HERC1: variants seen among roughly 807,000 people sequenced by gnomAD.
The protein encoded by HERC1 is probable E3 ubiquitin-protein ligase HERC1.
In HERC1, 160 loss-of-function variants were observed where a neutral mutation model predicts 554.3. The observed-to-expected ratio is 0.29, with a 90% CI of 0.25 to 0.33. HERC1 has a LOEUF of 0.33. HERC1 is among the 10% of genes least tolerant of loss of function. The pLI is 1.00. For missense variants in HERC1, 4,919 were observed against 5,918.5 expected, an observed-to-expected ratio of 0.83 and a Z score of 5.54; for synonymous variants, 2,175 against 2,131.7, an observed-to-expected ratio of 1.02 and a Z score of -0.56.
At chr15:63,770,592 A>G (rs2075921901) in intron 2 of HERC1, among the ~76,000 whole-genome samples, 1 of 152,248 alleles carries the variant, frequency 6.6e-6, no homozygotes, top group South Asian at 2.1e-4. Context: ...TTCTCATATA[A>G]GTTAATGAAT....
intron 1 of HERC1, among the ~76,000 whole-genome samples, chr15:63,829,074 T>C (rs1232673591): frequency 6.6e-6 from 1 of 152,224 alleles, no homozygotes; most frequent in East Asian, 1.9e-4. Flanking sequence ...GAATGAACTT[T>C]GTGGTACTGG....
intron 1 of HERC1, among the ~76,000 whole-genome samples, chr15:63,816,505 T>C (rs1407791106): frequency 6.6e-6 from 1 of 152,214 alleles, no homozygotes; most frequent in African/African-American, 2.4e-5. Flanking sequence ...ACTTTTGAAA[T>C]TTCTGAATAT....
In HERC1 at chr15:63,663,097, A is replaced by G; in HGVS notation, c.8788T>C (p.Leu2930=). The G allele has an allele frequency of 6.2e-7, 1 of 1,613,870 alleles. No individual in the cohort carries two copies. Among genetic ancestry groups the G allele is most frequent in the Non-Finnish European group, 8.5e-7 (1 of 1,179,846 alleles). Residue 2930 remains leucine (L), a synonymous_variant, in exon 44 of 78, where the codon TTG becomes CTG. Coordinates refer to ENST00000443617, the MANE Select transcript of HERC1 (RefSeq NM_003922.4). ...GCCTCATCATCAAGATCAATTTCCA[A>G]TTCCTCATCTAAATTAAAGTCATAC... is the stretch of plus-strand genomic sequence containing the variant. ...ALYDFNLDEE[L]EIDLDDEAME... is the part of the protein sequence containing the mutation.
At chr15:63,624,960 A>G (rs1300519180) in intron 71 of HERC1, among the ~76,000 whole-genome samples, 13 of 152,350 alleles carry the variant, frequency 8.5e-5, no homozygotes, top group Non-Finnish European at 1.8e-4. Context: ...GTATGCACAC[A>G]TAACATTTTT....
intron 12 of HERC1, among the ~76,000 whole-genome samples, chr15:63,741,315 C>G (rs2074795554): frequency 6.6e-6 from 1 of 150,458 alleles, no homozygotes; most frequent in African/African-American, 2.5e-5. Context: ...GCGTGAGCCA[C>G]CGCGCCGGGC....
Position 63,661,782 on chromosome 15 carries a change from C to T in HERC1, c.9141G>A (p.Lys3047=), listed in dbSNP as rs769157029. ...GTCREKYLAM[K]TKSKSTSSER... is the part of the protein sequence containing the mutation. Reference sequence around the variant, plus strand: ...CAGAACTTGTTGACTTAGATTTGGTCTTCATGGCTAAGTACTTCTCCCTGC... The same window carrying T: ...CAGAACTTGTTGACTTAGATTTGGTTTTCATGGCTAAGTACTTCTCCCTGC... Residue 3047 remains lysine, a synonymous_variant, in exon 45 of 78, where the codon AAG becomes AAA. Transcript: ENST00000443617. The T allele has an allele frequency of 6.2e-7, 1 of 1,613,960 alleles. No individual in the cohort carries two copies. Among genetic ancestry groups the T allele is most frequent in the Non-Finnish European group, 8.5e-7 (1 of 1,179,874 alleles).
At chr15:63,806,992 C>A (rs1193684858) in intron 1 of HERC1, among the ~76,000 whole-genome samples, 1 of 152,120 alleles carries the variant, frequency 6.6e-6, no homozygotes, top group Non-Finnish European at 1.5e-5. Flanking sequence ...GTGATCCACC[C>A]ACCTCGGCCT....
In HERC1 at chr15:63,633,983, C is replaced by T. The variant is rs752822516; in HGVS notation, c.12571-13G>A. ...ATCCACAGGCCACCTAAAGAAATAA[C>T]AGCATTCCGTAAGGCAAATCACAAG... On this transcript the variant is annotated splice_polypyrimidine_tract_variant and intron_variant, in intron 66 of 77. Transcript: ENST00000443617. The T allele has an allele frequency of 5.0e-6, 8 of 1,613,276 alleles. No individual in the cohort carries two copies. Among genetic ancestry groups the T allele is most frequent in the African/African-American group, 2.7e-5 (2 of 74,632 alleles).
Position 63,747,007 on chromosome 15 carries a change from C to A in HERC1, c.2431G>T (p.Ala811Ser). 6.3e-7 allele frequency: 1 copy of A among 1,582,344 alleles called. No homozygotes were observed. Among genetic ancestry groups the A allele is most frequent in the Non-Finnish European group, 8.6e-7 (1 of 1,164,386 alleles). ...HLALALAGGV[A>S]TSILGRQAGP... ...GCCTGCCTCCCGAGAATGCTGGTAG[C>A]TACCCCTCCCGCAAGTGCAAGAGCA... The change falls in exon 12 of 78, where the codon GCT becomes TCT. Residue 811 changes from alanine (A) to serine (S), a missense_variant. By Grantham distance (99) the Ala-to-Ser change is moderately conservative. Coordinates refer to ENST00000443617, the MANE Select transcript of HERC1 (RefSeq NM_003922.4).
intron 19 of HERC1, among the ~76,000 whole-genome samples, chr15:63,722,646 T>C (rs1279022011): frequency 1.3e-5 from 2 of 152,226 alleles, no homozygotes; most frequent in Non-Finnish European, 2.9e-5. Flanking sequence ...GGTATCACAG[T>C]GATTGTGTTC....
intron 8 of HERC1, among the ~76,000 whole-genome samples, chr15:63,751,342 T>C (rs879398848): frequency 2.6e-5 from 4 of 152,214 alleles, no homozygotes; most frequent in Non-Finnish European, 5.9e-5. Flanking sequence ...GGCTATACCA[T>C]ATAGTCTAGG....
chr15:63,632,066 C>T (rs1444864468), intron 68 of HERC1, among the ~76,000 whole-genome samples: 2 of 152,170 alleles, frequency 1.3e-5, no homozygotes, highest in Non-Finnish European at 2.9e-5. Flanking sequence ...GACATTTCCA[C>T]ACATTTATTT....
chr15:63,720,206 C>T (rs961828528), intron 19 of HERC1, among the ~76,000 whole-genome samples: 1 of 147,634 alleles, frequency 6.8e-6, no homozygotes, highest in East Asian at 1.9e-4. Context: ...TGGGCTCAAG[C>T]GATCCTCCTG....
intron 1 of HERC1, among the ~76,000 whole-genome samples, chr15:63,814,756 A>G (rs542843886): frequency 6.6e-6 from 1 of 152,364 alleles, no homozygotes; most frequent in East Asian, 1.9e-4. Flanking sequence ...GGCGTGAGCC[A>G]CCACACACGG....
intron 1 of HERC1, among the ~76,000 whole-genome samples, chr15:63,822,535 G>A (rs577607071): frequency 9.7e-4 from 147 of 151,516 alleles, no homozygotes; most frequent in African/African-American, 3.3e-3. Context: ...GCAGTGAGCC[G>A]AGATCATGCC....
intron 74 of HERC1, among the ~76,000 whole-genome samples, chr15:63,622,468 G>C (rs745455881): frequency 2.6e-5 from 4 of 151,868 alleles, no homozygotes; most frequent in African/African-American, 9.7e-5. Context: ...AAGTAGCTGG[G>C]ATTACAGGCA....
intron 1 of HERC1, among the ~76,000 whole-genome samples, chr15:63,799,019 G>A (rs144158769): frequency 3.5e-4 from 53 of 152,140 alleles, no homozygotes; most frequent in African/African-American, 1.3e-3. Context: ...TCATCTCTGG[G>A]CTTACTTTTT....
Position 63,727,776 on chromosome 15 carries a change from G to A in HERC1, c.3217C>T (p.Leu1073Phe). The change falls in exon 17 of 78, where the codon CTC (leucine) becomes TTC (phenylalanine). Residue 1073 changes from leucine (L) to phenylalanine (F), a missense_variant. Transcript: ENST00000443617. The surrounding 1 kb of genome is among the most constrained non-coding windows in gnomAD (Gnocchi z 4.3). ...AAAGGCCGAGCCACTGACACAGGGAGTAACAGCAGGGAGTTAACAATCTGG... is the reference window on the plus strand; with the variant it reads ...AAAGGCCGAGCCACTGACACAGGGAATAACAGCAGGGAGTTAACAATCTGG... ...LCQIVNSLLL[L>F]PVSVARPLLS... The A allele has an allele frequency of 6.2e-7, 1 of 1,613,954 alleles. No individual in the cohort carries two copies. Among genetic ancestry groups the A allele is most frequent in the Non-Finnish European group, 8.5e-7 (1 of 1,179,830 alleles).
chr15:63,699,649 G>C (rs974229384), intron 25 of HERC1, among the ~76,000 whole-genome samples: 1 of 152,140 alleles, frequency 6.6e-6, no homozygotes, highest in African/African-American at 2.4e-5. Context: ...TCACAGACAA[G>C]AATATGAGAT....
Sources: gnomAD v4.1 joint callset for allele counts (sites outside exome capture counted in the v4.1 genomes callset) on GRCh38, gnomAD v4.1.1 for gene constraint, Gnocchi (gnomAD v3.1) non-coding constraint, MANE v1.5 for transcripts, NCBI Gene and HGNC (gene_info 2026-07-23, HGNC 2026-07-21) for gene names.